The following NDUFV1 variants were observed in gnomAD, a reference collection of about 807,000 sequenced individuals.
NDUFV1 encodes NADH dehydrogenase [ubiquinone] flavoprotein 1, mitochondrial.
NDUFV1 carries 41 observed loss-of-function variants against 48.7 expected under a neutral mutation model. The observed-to-expected ratio is 0.84, with a 90% CI of 0.66 to 1.09. The LOEUF is 1.09. Among genes scored for constraint, NDUFV1 ranks in the 50% least tolerant of loss-of-function variants. The pLI is 0.00. For missense variants in NDUFV1, 580 were observed against 645.4 expected, an observed-to-expected ratio of 0.90 and a Z score of 1.10; for synonymous variants, 231 against 259.1, an observed-to-expected ratio of 0.89 and a Z score of 1.04.
At chr11:67,608,962 A>C (rs1854861459) in intron 3 of NDUFV1, among the ~76,000 whole-genome samples, 1 of 152,196 alleles carries the variant, frequency 6.6e-6, no homozygotes, top group Non-Finnish European at 1.5e-5. Flanking sequence ...TCTGCCTCCT[A>C]ATCATAGAGG....
At position 67,612,350 on chromosome 11, in the gene NDUFV1, A is replaced by G. The variant is rs1298523596; in HGVS notation, c.1309-22A>G. 1.9e-6 allele frequency: 3 copies of G among 1,613,728 alleles called. No individual in the cohort carries two copies. Among genetic ancestry groups the G allele is most frequent in the African/African-American group, 1.3e-5 (1 of 75,016 alleles). On this transcript the variant is annotated intron_variant, in intron 9 of 9. Transcript: ENST00000322776. The surrounding 1 kb of genome is among the most constrained non-coding windows in gnomAD (Gnocchi z 4.4). Reference sequence around the variant, plus strand: ...GGGGGATTTTTGGACTCTGTTTCACATGGTCCCCCCACCGACCCCAGGGTC... The same window carrying G: ...GGGGGATTTTTGGACTCTGTTTCACGTGGTCCCCCCACCGACCCCAGGGTC...
At position 67,611,748 on chromosome 11, in the gene NDUFV1, C is replaced by T. The variant is rs967013353; in HGVS notation, c.1081-149C>T. ...GGAGAATACCCCGGAGTCTGGGCAG[C>T]ACAGGGGGCCCAGGGAGGCTGGAGG... On this transcript the variant is annotated intron_variant, in intron 7 of 9. Coordinates refer to ENST00000322776, the MANE Select transcript of NDUFV1 (RefSeq NM_007103.4). This position sits in a 1 kb window ranked among gnomAD's most constrained non-coding sequence, Gnocchi z 4.2. The T allele has an allele frequency of 7.3e-6, 10 of 1,374,660 alleles. No homozygotes were observed. Among genetic ancestry groups the T allele is most frequent in the Non-Finnish European group, 1.0e-5 (10 of 991,256 alleles). The allele number at this position is 1,374,660 out of a possible 1,614,324, so 85.2% of individuals were successfully genotyped here.
intron 4 of NDUFV1, 26 bp downstream of exon 4, chr11:67,609,661 TGAGAAGGTG>T (rs1565225007): frequency 6.9e-6 from 11 of 1,599,014 alleles, no homozygotes; most frequent in Non-Finnish European, 9.3e-6. Flanking sequence ...TGTAGACAGA[TGAGAAGGTG>T]TTCAGTGTGC....
chr11:67,607,548 C>G (rs1403516505), intron 1 of NDUFV1: 9 of 456,288 alleles, frequency 2.0e-5, no homozygotes, highest in Non-Finnish European at 4.0e-5. Flanking sequence ...AAGTGAGCCC[C>G]TCCATCACCT....
rs1427605081 is a variant in NDUFV1 at position 67,608,441 on chromosome 11, C to T, written c.118C>T (p.Arg40Trp). ...TSFGSLKDEDRIFTNLYGRHD... is the reference protein window; with the variant it reads ...TSFGSLKDEDWIFTNLYGRHD... ...ATTTGGCTCGCTGAAGGATGAAGAC[C>T]GGATTTTCACCAACCTGTACGGCCG... The change falls in exon 2 of 10, where the codon CGG (arginine) becomes TGG (tryptophan). Residue 40 changes from arginine (R) to tryptophan (W), a missense_variant. Transcript: ENST00000322776. 9.3e-6 allele frequency: 15 copies of T among 1,613,996 alleles called. No individual in the cohort carries two copies. The highest frequency in any genetic ancestry group is 2.2e-5 in the East Asian group (1 of 44,894).
In NDUFV1 at chr11:67,611,298, G is replaced by T; in HGVS notation, c.913+91G>T. On this transcript the variant is annotated intron_variant, in intron 6 of 9. Coordinates refer to ENST00000322776, the MANE Select transcript of NDUFV1 (RefSeq NM_007103.4). This position sits in a 1 kb window ranked among gnomAD's most constrained non-coding sequence, Gnocchi z 4.2. ...CCTGGGCGGGAGGGCTCAGGAGACGGGGCTGGGTCTAGGGGCTGACTAAGG... is the reference window on the plus strand; with the variant it reads ...CCTGGGCGGGAGGGCTCAGGAGACGTGGCTGGGTCTAGGGGCTGACTAAGG... 1 of 1,594,278 alleles carries T rather than the reference G, an allele frequency of 6.3e-7. No individual in the cohort carries two copies. The highest frequency in any genetic ancestry group is 1.3e-5 in the African/African-American group (1 of 74,668).
Position 67,612,035 on chromosome 11 carries a change from C to T in NDUFV1, c.1162+57C>T. On this transcript the variant is annotated intron_variant, in intron 8 of 9. Coordinates refer to ENST00000322776, the MANE Select transcript of NDUFV1 (RefSeq NM_007103.4). This position sits in a 1 kb window ranked among gnomAD's most constrained non-coding sequence, Gnocchi z 4.4. ...CTGTGGCTTCATTTAACCTCCTCCC[C>T]ACCACGTGGCCTGCAGCCCTCAAGC... 1.2e-6 allele frequency: 2 copies of T among 1,613,552 alleles called. No homozygotes were observed. The highest frequency in any genetic ancestry group is 1.7e-6 in the Non-Finnish European group (2 of 1,179,872).
Position 67,611,248 on chromosome 11 carries a change from T to C in NDUFV1, c.913+41T>C. 7.2e-7 allele frequency: 1 copy of C among 1,385,066 alleles called. No homozygotes were observed. The highest frequency in any genetic ancestry group is 1.0e-6 in the Non-Finnish European group (1 of 977,324). 85.8% of individuals were successfully genotyped at this position (1,385,066 alleles called of 1,614,324 possible). A position where few individuals can be genotyped will look rare whatever the true frequency, so the allele number is the denominator to read the frequency against. On this transcript the variant is annotated intron_variant, in intron 6 of 9. Coordinates refer to ENST00000322776, the MANE Select transcript of NDUFV1 (RefSeq NM_007103.4). This position sits in a 1 kb window ranked among gnomAD's most constrained non-coding sequence, Gnocchi z 4.2. ...AGCCAGGTGGTGGGGGGGTGCGCAG[T>C]GGGGGCAGGTGTCCACAAAGAGAGC...
At chr11:67,610,708 C>A in intron 5 of NDUFV1, 138 bp downstream of exon 5, 1 of 1,240,294 alleles carries the variant, frequency 8.1e-7, no homozygotes, top group Non-Finnish European at 1.1e-6. Context: ...GGCAACAACA[C>A]ACAGGCTCCC....
Position 67,611,240 on chromosome 11 carries a change from G to C in NDUFV1, c.913+33G>C. On this transcript the variant is annotated intron_variant, in intron 6 of 9. Coordinates refer to ENST00000322776, the MANE Select transcript of NDUFV1 (RefSeq NM_007103.4). This position sits in a 1 kb window ranked among gnomAD's most constrained non-coding sequence, Gnocchi z 4.2. ...CTGGGGCCAGCCAGGTGGTGGGGGG[G>C]TGCGCAGTGGGGGCAGGTGTCCACA... 2.5e-6 allele frequency: 4 copies of C among 1,583,602 alleles called. No homozygotes were observed. The highest frequency in any genetic ancestry group is 3.5e-6 in the Non-Finnish European group (4 of 1,152,918).
intron 4 of NDUFV1, chr11:67,609,885 G>A: frequency 2.1e-6 from 1 of 473,962 alleles, no homozygotes. Flanking sequence ...AAAACAAGTA[G>A]CAAGAAGAAA....
At chr11:67,608,844 C>T in intron 3 of NDUFV1, 122 bp downstream of exon 3, 3 of 1,383,868 alleles carry the variant, frequency 2.2e-6, no homozygotes, top group Non-Finnish European at 3.0e-6. Context: ...GCACATGTTC[C>T]CAGGCCTTAA....
chr11:67,609,763 C>T (rs1854878548), intron 4 of NDUFV1, 128 bp downstream of exon 4: 17 of 1,110,538 alleles, frequency 1.5e-5, no homozygotes, highest in Non-Finnish European at 2.1e-5. Flanking sequence ...GAGTGGTGGC[C>T]AGTCCTGCAT....
Position 67,607,045 on chromosome 11 carries a change from C to A in NDUFV1, c.41C>A (p.Ala14Glu). The change falls in exon 1 of 10, where the codon GCG becomes GAG. Residue 14 changes from alanine to glutamate, a missense_variant. Physicochemically the swap from Ala to Glu is moderately radical, Grantham distance 107 (BLOSUM62 -1). Transcript: ENST00000322776. ...TRRLLGWSLP[A>E]RVSVRFSGDT... is the part of the protein sequence containing the mutation. The stretch of plus-strand genomic sequence containing the variant: ...CGGCTGCTCGGCTGGTCGCTTCCCG[C>A]GCGGGTATCTGTGCGTTTCAGCGGC... The A allele has an allele frequency of 6.2e-7, 1 of 1,609,188 alleles. No homozygotes were observed. The highest frequency in any genetic ancestry group is 8.5e-7 in the Non-Finnish European group (1 of 1,179,218).
At chr11:67,607,365 G>A (rs1854826523) in intron 1 of NDUFV1, 3 of 614,962 alleles carry the variant, frequency 4.9e-6, no homozygotes, top group Non-Finnish European at 9.1e-6. Flanking sequence ...CCTTGTCACA[G>A]CCTTGTAGGG....
Position 67,611,626 on chromosome 11 carries a change from TG to T in NDUFV1, c.1080+60del, listed in dbSNP as rs1854918630. ...CCCTCCTGGTTGCTGTCTCCCTCCC[TG>T]GGCCTCCCAGAAAACCCTCTTGCCA... On this transcript the variant is annotated intron_variant, in intron 7 of 9. Transcript: ENST00000322776. This position sits in a 1 kb window ranked among gnomAD's most constrained non-coding sequence, Gnocchi z 4.2. 4.5e-6 allele frequency: 7 copies of T among 1,571,586 alleles called. No individual in the cohort carries two copies. The highest frequency in any genetic ancestry group is 5.2e-6 in the Non-Finnish European group (6 of 1,158,642).
chr11:67,609,333 A>T, intron 3 of NDUFV1, 119 bp from the exon 4 acceptor site: 1 of 1,036,102 alleles, frequency 9.7e-7, no homozygotes, highest in Non-Finnish European at 1.4e-6. Context: ...GGAGGGCAGT[A>T]AAGGATTGGC....
chr11:67,611,153 A>C lies in NDUFV1; in HGVS notation c.859A>C (p.Thr287Pro). ...CTCTGGCCATGTCAACCACCCTTGC[A>C]CTGTGGAGGAGGAGATGTCTGTGCC... ...NISGHVNHPC[T>P]VEEEMSVPLK... The change falls in exon 6 of 10, where the codon ACT becomes CCT. Residue 287 changes from threonine (T) to proline (P), a missense_variant. By Grantham distance (38) the Thr-to-Pro change is conservative (BLOSUM62 -1). Coordinates refer to ENST00000322776, the MANE Select transcript of NDUFV1 (RefSeq NM_007103.4). The surrounding 1 kb of genome is among the most constrained non-coding windows in gnomAD (Gnocchi z 4.2). 1.2e-6 allele frequency: 2 copies of C among 1,614,186 alleles called. No individual in the cohort carries two copies. The highest frequency in any genetic ancestry group is 1.7e-6 in the Non-Finnish European group (2 of 1,180,022).
chr11:67,609,329 C>A, intron 3 of NDUFV1, 123 bp from the exon 4 acceptor site: 1 of 953,168 alleles, frequency 1.0e-6, no homozygotes, highest in Non-Finnish European at 1.6e-6. Flanking sequence ...GTTGGGAGGG[C>A]AGTAAAGGAT....
Sources: gnomAD v4.1 joint callset for allele counts (sites outside exome capture counted in the v4.1 genomes callset) on GRCh38, gnomAD v4.1.1 for gene constraint, Gnocchi (gnomAD v3.1) non-coding constraint, MANE v1.5 for transcripts, NCBI Gene and HGNC (gene_info 2026-07-23, HGNC 2026-07-21) for gene names.